Variants in ZFP69 observed in about 807,000 individuals in gnomAD.
ZFP69 encodes ZFP69 zinc finger protein, also known as zinc finger protein 69 homolog.
ZFP69 carries 35 observed loss-of-function variants against 48.9 expected under a neutral mutation model. The ratio of observed to expected loss-of-function variants is 0.72; its 90% CI spans 0.55 to 0.95. The LOEUF (loss-of-function observed/expected upper bound fraction) is 0.95. ZFP69 is among the 40% of genes least tolerant of loss of function. The pLI is 0.00. For missense variants in ZFP69, 557 were observed against 638.4 expected (o/e 0.87, Z 1.37); for synonymous variants, 193 against 216.8 (o/e 0.89, Z 0.96).
chr1:40,493,626 T>C (rs1235426489), intron 5 of ZFP69: 1 of 55,920 alleles, frequency 1.8e-5, no homozygotes, highest in Non-Finnish European at 3.1e-5. Flanking sequence ...CATAAATGGC[T>C]TCTTTTCTTT....
At chr1:40,480,327 G>A (rs1645431367) in intron 2 of ZFP69, among the ~76,000 whole-genome samples, 1 of 148,904 alleles carries the variant, frequency 6.7e-6, no homozygotes, top group Non-Finnish European at 1.5e-5. Context: ...GTGCAGTGGT[G>A]CAATCTCAGC....
rs1286907229 is a variant in ZFP69, at chr1:40,495,539, C to T, written c.1061C>T (p.Pro354Leu). ...CATAGAACTCACACTGGGGAGAAAC[C>T]CTATGTATGTGATAAATGTCAGAAA... ...QHHRTHTGEK[P>L]YVCDKCQKAF... The change falls in exon 6 of 6, where the codon CCC becomes CTC. Residue 354 changes from proline (P) to leucine (L), a missense_variant. Physicochemically the swap from Pro to Leu is moderately conservative, Grantham distance 98. Transcript: ENST00000372706. 1.2e-6 allele frequency: 2 copies of T among 1,614,022 alleles called. No individual in the cohort carries two copies. Among genetic ancestry groups the T allele is most frequent in the African/African-American group, 2.7e-5 (2 of 74,904 alleles).
chr1:40,482,168 A>G (rs1408130653), intron 3 of ZFP69, among the ~76,000 whole-genome samples: 1 of 151,874 alleles, frequency 6.6e-6, no homozygotes, highest in African/African-American at 2.4e-5. Flanking sequence ...AACCGATACC[A>G]CATGAGATCT....
chr1:40,487,769 G>A (rs992716335), intron 3 of ZFP69, among the ~76,000 whole-genome samples: 24 of 152,158 alleles, frequency 1.6e-4, no homozygotes, highest in African/African-American at 4.6e-4. Flanking sequence ...CTCTCAGGCC[G>A]GGCGCGGTGG....
In ZFP69 at chr1:40,495,518, G is replaced by C. The variant is rs1422180455; in HGVS notation, c.1040G>C (p.Arg347Thr). ...CGCTCATCACTTAATCAGCATCATA[G>C]AACTCACACTGGGGAGAAACCCTAT... ...RHRSSLNQHHRTHTGEKPYVC... is the reference protein window; with the variant it reads ...RHRSSLNQHHTTHTGEKPYVC... Residue 347 changes from arginine to threonine, a missense_variant, in exon 6 of 6, where the codon AGA becomes ACA. By Grantham distance (71) the Arg-to-Thr change is moderately conservative. Coordinates refer to ENST00000372706, the MANE Select transcript of ZFP69 (RefSeq NM_001320179.2). The C allele has an allele frequency of 6.2e-7, 1 of 1,614,090 alleles. No individual in the cohort carries two copies. Among genetic ancestry groups the C allele is most frequent in the South Asian group, 1.1e-5 (1 of 91,076 alleles).
At chr1:40,480,631 T>TA (rs961997929) in intron 2 of ZFP69, among the ~76,000 whole-genome samples, 5 of 151,612 alleles carry the variant, frequency 3.3e-5, no homozygotes, top group Admixed American at 6.6e-5. Flanking sequence ...GCAATATACT[T>TA]AGTTTCCTTT....
rs1486794649 is a variant in ZFP69 at position 40,495,805 on chromosome 1, G to GA, written c.1329dup (p.Cys444MetfsTer6). 1.9e-6 allele frequency: 3 copies of GA among 1,614,086 alleles called. No individual in the cohort carries two copies. The highest frequency in any genetic ancestry group is 2.5e-6 in the Non-Finnish European group (3 of 1,180,034). On this transcript the variant is annotated frameshift_variant, in exon 6 of 6. Coordinates refer to ENST00000372706, the MANE Select transcript of ZFP69 (RefSeq NM_001320179.2). LOFTEE classifies it high-confidence loss of function. ...TGGGGAGAGACCCTACAAATGTAAA[G>GA]AATGTGGAAAAGCCTTTAGGCAGAG...
chr1:40,491,785 GTA>G (rs745905179), intron 5 of ZFP69, among the ~76,000 whole-genome samples: 25 of 148,818 alleles, frequency 1.7e-4, no homozygotes, highest in African/African-American at 3.0e-4. Context: ...GTGTGTGTGT[GTA>G]TATATATATA....
At chr1:40,492,142 G>C (rs1416183015) in intron 5 of ZFP69, among the ~76,000 whole-genome samples, 1 of 152,148 alleles carries the variant, frequency 6.6e-6, no homozygotes, top group Non-Finnish European at 1.5e-5. Context: ...AAGAGGCTGA[G>C]GCAGGACTAC....
intron 2 of ZFP69, among the ~76,000 whole-genome samples, chr1:40,480,214 C>G (rs1432392212): frequency 6.6e-6 from 1 of 151,460 alleles, no homozygotes; most frequent in Non-Finnish European, 1.5e-5. Context: ...AGAAAGCAGC[C>G]TAAGAAAAGT....
chr1:40,494,615 TTTATATATAAAATATACA>T (rs1348364184), intron 5 of ZFP69, among the ~76,000 whole-genome samples: 1 of 146,966 alleles, frequency 6.8e-6, no homozygotes, highest in East Asian at 1.9e-4. Context: ...TTATAAATAT[TTTATATATAAAATATACA>T]TTATATATAA....
chr1:40,494,952 A>AGTT lies in ZFP69; in HGVS notation c.474_475insGTT (p.Ser158_Thr159insVal). The AGTT allele has an allele frequency of 6.2e-7, 1 of 1,612,134 alleles. No individual in the cohort carries two copies. The highest frequency in any genetic ancestry group is 1.3e-5 in the African/African-American group (1 of 74,704). The stretch of plus-strand genomic sequence containing the variant: ...AGAGTAAAATAGAAACCATTGAGTC[A>AGTT]ACTGCAAAGAGTACCATTTCACAGG... On this transcript the variant is annotated inframe_insertion, in exon 6 of 6. Transcript: ENST00000372706.
intron 3 of ZFP69, among the ~76,000 whole-genome samples, chr1:40,483,494 G>A (rs1645463740): frequency 6.6e-6 from 1 of 151,978 alleles, no homozygotes; most frequent in African/African-American, 2.4e-5. Flanking sequence ...CTCCCAAAGT[G>A]CTGGGATTAC....
Position 40,489,872 on chromosome 1 carries a change from T to C in ZFP69, c.442+248T>C, listed in dbSNP as rs547886977. On this transcript the variant is annotated intron_variant, in intron 5 of 5. Coordinates refer to ENST00000372706, the MANE Select transcript of ZFP69 (RefSeq NM_001320179.2). ...CCAGGCTCTTTTTCTTTTTCTTTTTTTTTTTTTTTTTTTTTTGAGACAGAG... is the reference window on the plus strand; with the variant it reads ...CCAGGCTCTTTTTCTTTTTCTTTTTCTTTTTTTTTTTTTTTTGAGACAGAG... Among the ~76,000 whole-genome samples the C allele has an allele frequency of 2.5e-3, 256 of 103,680 alleles. 1 individual carries two copies. Among genetic ancestry groups the C allele is most frequent in the Middle Eastern group, 6.0e-3 (1 of 166 alleles). The allele number at this position is 103,680 out of a possible 152,430, so 68.0% of individuals were successfully genotyped here.
intron 1 of ZFP69, 148 bp downstream of exon 1, chr1:40,478,042 C>A (rs1645406679): frequency 6.6e-6 from 1 of 151,964 alleles, no homozygotes; most frequent in Non-Finnish European, 1.5e-5. Flanking sequence ...GGTAACAAGA[C>A]TTTTTATGTA....
chr1:40,489,116 T>C lies in ZFP69; in HGVS notation c.248T>C (p.Ile83Thr). The C allele has an allele frequency of 1.9e-6, 3 of 1,613,958 alleles. No homozygotes were observed. The highest frequency in any genetic ancestry group is 2.7e-5 in the African/African-American group (2 of 74,846). ...TTGTTGACTTTCAAGGACATATCTATTGACTTCACCCAGGAAGAGTGGGGG... is the reference window on the plus strand; with the variant it reads ...TTGTTGACTTTCAAGGACATATCTACTGACTTCACCCAGGAAGAGTGGGGG... ...QELLTFKDIS[I>T]DFTQEEWGQL... Residue 83 changes from isoleucine to threonine, a missense_variant, in exon 4 of 6, where the codon ATT (isoleucine) becomes ACT (threonine). Transcript: ENST00000372706.
chr1:40,483,101 A>G (rs72950085), intron 3 of ZFP69, among the ~76,000 whole-genome samples: 3,197 of 152,136 alleles, frequency 0.021, 102 homozygotes, highest in African/African-American at 0.074. Flanking sequence ...TGGTGGATCA[A>G]CTGGGGGTGG....
chr1:40,491,763 A>ATG (rs1553129549), intron 5 of ZFP69, among the ~76,000 whole-genome samples: 3,796 of 129,418 alleles, frequency 0.029, 170 homozygotes, highest in African/African-American at 0.098. Context: ...GTGTGTGTGT[A>ATG]TGTGTGTGTG....
chr1:40,494,256 A>ATTTTTTTTTTTTTTTT (rs11286167), intron 5 of ZFP69, among the ~76,000 whole-genome samples: 1 of 52,032 alleles, frequency 1.9e-5, no homozygotes, highest in African/African-American at 8.1e-5. Context: ...AAGATTCAAA[A>ATTTTTTTTTTTTTTTT]TTTTTTTTTT....
Sources: allele counts gnomAD v4.1 joint callset (sites outside exome capture counted in the v4.1 genomes callset), GRCh38; gene constraint gnomAD v4.1.1; transcripts MANE v1.5; gene names NCBI Gene and HGNC (gene_info 2026-07-23, HGNC 2026-07-21).